LRRC7: variants seen among roughly 807,000 people sequenced by gnomAD.
LRRC7 encodes leucine rich repeat containing 7, also known as leucine-rich repeat-containing protein 7.
A neutral mutation model predicts 175.7 loss-of-function variants in LRRC7; 23 were observed. The observed-to-expected ratio is 0.13, with a 90% CI of 0.09 to 0.19. The LOEUF (loss-of-function observed/expected upper bound fraction) is 0.19, where lower values mean the gene tolerates loss of function less well. LRRC7 is among the 10% of genes least tolerant of loss of function. The probability of loss-of-function intolerance (pLI) is 1.00; values close to 1 mark genes in which losing one functional copy is unlikely to be tolerated. For synonymous variants in LRRC7, 685 were observed against 680.9 expected (o/e 1.01, Z -0.09); for missense variants, 1,354 against 1,904.7 (o/e 0.71, Z 5.38).
At chr1:69,801,526 A>G (rs1676489743) in intron 4 of LRRC7, among the ~76,000 whole-genome samples, 7 of 151,388 alleles carry the variant, frequency 4.6e-5, no homozygotes, top group Admixed American at 4.6e-4. Context: ...GTAGTCTCTG[A>G]TTATCTTTTG....
At chr1:69,927,234 C>T (rs1380178470) in intron 7 of LRRC7, among the ~76,000 whole-genome samples, 8 of 152,160 alleles carry the variant, frequency 5.3e-5, no homozygotes, top group African/African-American at 9.7e-5. Flanking sequence ...TCTGGCTGCC[C>T]TTAACATTTT....
intron 3 of LRRC7, among the ~76,000 whole-genome samples, chr1:69,783,187 C>A (rs1673968812): frequency 6.6e-6 from 1 of 152,174 alleles, no homozygotes; most frequent in Non-Finnish European, 1.5e-5. Context: ...CCTCCCCATC[C>A]CCACCTTCTA....
intron 23 of LRRC7, among the ~76,000 whole-genome samples, chr1:70,065,483 T>C (rs2102097147): frequency 6.6e-6 from 1 of 152,106 alleles, no homozygotes; most frequent in South Asian, 2.1e-4. Flanking sequence ...ATATTTATTA[T>C]TTTGGATAAA....
intron 3 of LRRC7, among the ~76,000 whole-genome samples, chr1:69,762,227 TA>T (rs899376400): frequency 6.6e-6 from 1 of 152,016 alleles, no homozygotes; most frequent in Non-Finnish European, 1.5e-5. Context: ...AGATAGGTAG[TA>T]AAAACATGGT....
intron 11 of LRRC7, among the ~76,000 whole-genome samples, chr1:69,998,178 A>G (rs1406753246): frequency 6.6e-6 from 1 of 152,178 alleles, no homozygotes; most frequent in African/African-American, 2.4e-5. Context: ...GCACATATTT[A>G]AAGTCTACAA....
At chr1:69,717,683 C>A (rs1415861356) in intron 2 of LRRC7, among the ~76,000 whole-genome samples, 4 of 149,416 alleles carry the variant, frequency 2.7e-5, no homozygotes, top group Admixed American at 2.0e-4. Context: ...TTTATAGATA[C>A]CTTGATAATA....
intron 7 of LRRC7, among the ~76,000 whole-genome samples, chr1:69,854,855 A>C (rs1435042794): frequency 6.6e-6 from 1 of 152,132 alleles, no homozygotes; most frequent in Non-Finnish European, 1.5e-5. Flanking sequence ...CATTTTCCTT[A>C]ACTTAGCCTT....
intron 7 of LRRC7, chr1:69,919,962 C>T (rs1646836021): frequency 1.8e-6 from 1 of 568,222 alleles, no homozygotes; most frequent in South Asian, 2.0e-5. Flanking sequence ...GGGAGGGGGC[C>T]CTTCCAGACT....
chr1:69,850,764 A>T (rs1269107313), intron 7 of LRRC7, among the ~76,000 whole-genome samples: 1 of 152,100 alleles, frequency 6.6e-6, no homozygotes, highest in East Asian at 1.9e-4. Flanking sequence ...GATGAGGGGA[A>T]TTGGGAATTT....
intron 2 of LRRC7, among the ~76,000 whole-genome samples, chr1:69,689,365 C>T (rs1388310473): frequency 6.6e-6 from 1 of 152,116 alleles, no homozygotes; most frequent in Non-Finnish European, 1.5e-5. Flanking sequence ...TATCTTAGTC[C>T]TACTGTTTTA....
At chr1:69,690,054 C>T (rs1401533904) in intron 2 of LRRC7, among the ~76,000 whole-genome samples, 1 of 152,162 alleles carries the variant, frequency 6.6e-6, no homozygotes, top group Non-Finnish European at 1.5e-5. Context: ...ATTCAAACTT[C>T]AGGCAAATAA....
intron 17 of LRRC7, among the ~76,000 whole-genome samples, chr1:70,025,008 T>C (rs1657935770): frequency 6.6e-6 from 1 of 152,052 alleles, no homozygotes; most frequent in African/African-American, 2.4e-5. Context: ...TCCACAATAT[T>C]GTACAAATAT....
intron 4 of LRRC7, among the ~76,000 whole-genome samples, chr1:69,821,187 C>T (rs566087449): frequency 6.6e-6 from 1 of 152,122 alleles, no homozygotes; most frequent in Admixed American, 6.5e-5. Flanking sequence ...TGTACTTTCT[C>T]TTCTTATTCT....
chr1:69,838,164 T>C (rs1020510314), intron 6 of LRRC7, 63 bp from the exon 7 acceptor site: 3 of 1,130,886 alleles, frequency 2.7e-6, no homozygotes, highest in Non-Finnish European at 2.7e-6. Flanking sequence ...AAATACTAGA[T>C]CTTATTCAAT....
intron 2 of LRRC7, among the ~76,000 whole-genome samples, chr1:69,692,364 G>A (rs1189850249): frequency 6.6e-6 from 1 of 152,174 alleles, no homozygotes; most frequent in Non-Finnish European, 1.5e-5. Flanking sequence ...ACAGAAAATA[G>A]ATGAGTGCAT....
intron 24 of LRRC7, among the ~76,000 whole-genome samples, chr1:70,082,699 A>G (rs944785395): frequency 3.3e-5 from 5 of 150,328 alleles, no homozygotes; most frequent in African/African-American, 1.2e-4. Flanking sequence ...TCCTAGATAC[A>G]TACAGAATCA....
rs143521684 is a variant in LRRC7 at position 69,918,411 on chromosome 1, T to G, written c.648-13096T>G. On this transcript the variant is annotated intron_variant, in intron 7 of 26. Transcript: ENST00000651989. ...TACCATGAGTTCTATTTTATTTTTCTGAGAAAATCTTACTTGTTTGTATGC... is the reference window on the plus strand; with the variant it reads ...TACCATGAGTTCTATTTTATTTTTCGGAGAAAATCTTACTTGTTTGTATGC... 5.0e-3 allele frequency among the ~76,000 whole-genome samples: 764 copies of G among 152,362 alleles called. 3 individuals carry two copies. Among genetic ancestry groups the G allele is most frequent in the Middle Eastern group, 0.01 (3 of 294 alleles).
At chr1:69,666,332 G>A (rs227124) in intron 1 of LRRC7, among the ~76,000 whole-genome samples, 110,945 of 151,752 alleles carry the variant, frequency 0.73, 40,890 homozygotes, top group African/African-American at 0.8. Context: ...TACTGGCCTT[G>A]TGAATGAGTC....
chr1:69,611,972 G>T (rs1301585425), intron 1 of LRRC7, among the ~76,000 whole-genome samples: 1 of 151,970 alleles, frequency 6.6e-6, no homozygotes, highest in Non-Finnish European at 1.5e-5. Context: ...TGATTTTGAG[G>T]TACAAATTAA....
Sources: gnomAD v4.1 joint callset for allele counts (sites outside exome capture counted in the v4.1 genomes callset) on GRCh38, gnomAD v4.1.1 for gene constraint, MANE v1.5 for transcripts, NCBI Gene and HGNC (gene_info 2026-07-23, HGNC 2026-07-21) for gene names.